DNAH1: variants seen among roughly 807,000 people sequenced by gnomAD.
The protein encoded by DNAH1 is dynein axonemal heavy chain 1.
DNAH1 carries 327 observed loss-of-function variants against 484.3 expected under a neutral mutation model. The observed-to-expected ratio is 0.68, with a 90% CI of 0.62 to 0.74. DNAH1 has a LOEUF of 0.74. Among genes scored for constraint, DNAH1 ranks in the 30% least tolerant of loss-of-function variants. The pLI is 0.00. For missense variants in DNAH1, 5,052 were observed against 5,546.8 expected (o/e 0.91, Z 2.83); for synonymous variants, 2,192 against 2,191.9 (o/e 1.00, Z 0.00).
chr3:52,345,001 G>C (rs1578108328), intron 9 of DNAH1, among the ~76,000 whole-genome samples: 3 of 152,194 alleles, frequency 2.0e-5, no homozygotes. Context: ...CCGAGTCTCA[G>C]AGCAGGACCC....
chr3:52,386,748 G>T lies in DNAH1; in HGVS notation c.8898G>T (p.Val2966=). Residue 2966 remains valine, a synonymous_variant, in exon 56 of 78, where the codon GTG becomes GTT. Transcript: ENST00000420323. ...CIMKGIKPKK[V]PGEKPGTKVD... Reference sequence around the variant, plus strand: ...TGAAAGGCATCAAGCCCAAGAAGGTGCCTGGAGAAAAGCCAGGCACCAAGG... The same window carrying T: ...TGAAAGGCATCAAGCCCAAGAAGGTTCCTGGAGAAAAGCCAGGCACCAAGG... The T allele has an allele frequency of 6.3e-7, 1 of 1,588,894 alleles. No homozygotes were observed. Among genetic ancestry groups the T allele is most frequent in the African/African-American group, 1.3e-5 (1 of 74,484 alleles).
chr3:52,324,227 C>CT (rs1283290612), intron 3 of DNAH1, among the ~76,000 whole-genome samples: 1 of 152,214 alleles, frequency 6.6e-6, no homozygotes, highest in Non-Finnish European at 1.5e-5. Flanking sequence ...CCAGGACTGT[C>CT]TGAGTTGCTT....
Position 52,361,633 on chromosome 3 carries a change from C to T in DNAH1, c.4875-28C>T. Reference sequence around the variant, plus strand: ...CCAGATTGGGCTCTGAACACATGTGCCCCATCCAATGTTCCGGCCTCACTC... The same window carrying T: ...CCAGATTGGGCTCTGAACACATGTGTCCCATCCAATGTTCCGGCCTCACTC... On this transcript the variant is annotated intron_variant, in intron 29 of 77. Transcript: ENST00000420323. This position sits in a 1 kb window ranked among gnomAD's most constrained non-coding sequence, Gnocchi z 5.6. 3.2e-6 allele frequency: 5 copies of T among 1,574,214 alleles called. No individual in the cohort carries two copies. Among genetic ancestry groups the T allele is most frequent in the South Asian group, 1.2e-5 (1 of 85,832 alleles).
At chr3:52,366,638 C>G in intron 35 of DNAH1, 90 bp downstream of exon 35, 1 of 1,553,300 alleles carries the variant, frequency 6.4e-7, no homozygotes, top group Non-Finnish European at 8.7e-7. Flanking sequence ...CATTTGTGCC[C>G]CTTGGCATAG....
intron 4 of DNAH1, 41 bp downstream of exon 4, chr3:52,326,355 G>A (rs1380804114): frequency 5.1e-6 from 8 of 1,572,576 alleles, no homozygotes; most frequent in Non-Finnish European, 6.9e-6. Context: ...CGGGGAGGTG[G>A]CATCCACCCG....
rs747814520 is a variant in DNAH1, at chr3:52,347,856, T to C, written c.1988T>C (p.Leu663Pro). ...AAGAATCCCCTGTTCATCATGGACCTGGTGCTGGACAGCTCTGGGGTGCAC... is the reference window on the plus strand; with the variant it reads ...AAGAATCCCCTGTTCATCATGGACCCGGTGCTGGACAGCTCTGGGGTGCAC... ...PRKNPLFIMD[L>P]VLDSSGVHYS... The change falls in exon 12 of 78, where the codon CTG (leucine) becomes CCG (proline). Residue 663 changes from leucine (L) to proline (P), a missense_variant. Around this residue, in one of 4 missense-constraint regions of DNAH1, gnomAD observed 1,263 missense variants for 1,218.8 expected, o/e 1.04. Coordinates refer to ENST00000420323, the MANE Select transcript of DNAH1 (RefSeq NM_015512.5). 33 of 1,600,682 alleles carry C rather than the reference T, an allele frequency of 2.1e-5. No homozygotes were observed. Among genetic ancestry groups the C allele is most frequent in the Non-Finnish European group, 2.6e-5 (31 of 1,173,132 alleles).
At chr3:52,393,635 G>T in intron 66 of DNAH1, 150 bp downstream of exon 66, 1 of 1,247,378 alleles carries the variant, frequency 8.0e-7, no homozygotes. Flanking sequence ...AAAGCAGCCA[G>T]GGCCGGGCAC....
intron 8 of DNAH1, among the ~76,000 whole-genome samples, chr3:52,342,167 A>T (rs1342311174): frequency 6.6e-6 from 1 of 152,182 alleles, no homozygotes; most frequent in African/African-American, 2.4e-5. Flanking sequence ...TGAGGTAGGG[A>T]CAAGTTTGTG....
At chr3:52,344,448 T>C (rs1702064310) in intron 8 of DNAH1, 42 bp from the exon 9 acceptor site, 1 of 1,599,310 alleles carries the variant, frequency 6.3e-7, no homozygotes, top group African/African-American at 1.3e-5. Flanking sequence ...GTTCACAGGG[T>C]GTGGAGCCCC....
In DNAH1 at chr3:52,352,647, C is replaced by T. The variant is rs1702440768; in HGVS notation, c.2967C>T (p.Cys989=). 4 of 1,613,164 alleles carry T rather than the reference C, an allele frequency of 2.5e-6. No individual in the cohort carries two copies. Among genetic ancestry groups the T allele is most frequent in the Non-Finnish European group, 3.4e-6 (4 of 1,179,750 alleles). Residue 989 remains cysteine (C), a synonymous_variant, in exon 18 of 78, where the codon TGC becomes TGT. Transcript: ENST00000420323. Reference sequence around the variant, plus strand: ...GTGTCAAGAAGCAGCTGAAGGACTGCCAGCAGCTGGCCATGCTCTACAACA... The same window carrying T: ...GTGTCAAGAAGCAGCTGAAGGACTGTCAGCAGCTGGCCATGCTCTACAACA... ...VRRVKKQLKD[C]QQLAMLYNNR... is the part of the protein sequence containing the mutation.
Position 52,321,947 on chromosome 3 carries a change from G to A in DNAH1, c.-34-462G>A, listed in dbSNP as rs76356197. Reference sequence around the variant, plus strand: ...TCATGCACCACACTGGGAAAAGGTAGGGAAGTCTAGCAGGGATGGGCTGGG... The same window carrying A: ...TCATGCACCACACTGGGAAAAGGTAAGGAAGTCTAGCAGGGATGGGCTGGG... On this transcript the variant is annotated intron_variant, in intron 1 of 77. Coordinates refer to ENST00000420323, the MANE Select transcript of DNAH1 (RefSeq NM_015512.5). 1.1e-3 allele frequency among the ~76,000 whole-genome samples: 169 copies of A among 152,292 alleles called. 1 individual carries two copies. The highest frequency in any genetic ancestry group is 1.7e-3 in the Non-Finnish European group (115 of 68,010).
Position 52,381,476 on chromosome 3 carries a change from G to C in DNAH1, c.7609-164G>C, listed in dbSNP as rs1703840121. 6.6e-6 allele frequency among the ~76,000 whole-genome samples: 1 copy of C among 152,078 alleles called. No individual in the cohort carries two copies. Among genetic ancestry groups the C allele is most frequent in the Non-Finnish European group, 1.5e-5 (1 of 68,030 alleles). ...ATCAGTGTCTGGGAATGTTCAGCTT[G>C]GGCTCGAGCCTGCAGGGGAAACATG... On this transcript the variant is annotated intron_variant, in intron 48 of 77. Coordinates refer to ENST00000420323, the MANE Select transcript of DNAH1 (RefSeq NM_015512.5). The surrounding 1 kb of genome is among the most constrained non-coding windows in gnomAD (Gnocchi z 4.1).
intron 3 of DNAH1, among the ~76,000 whole-genome samples, 167 bp downstream of exon 3, chr3:52,324,047 G>A (rs1701248282): frequency 6.6e-6 from 1 of 152,178 alleles, no homozygotes; most frequent in Non-Finnish European, 1.5e-5. Context: ...CATGGTGAGT[G>A]CTCAGTCAGC....
Position 52,398,869 on chromosome 3 carries a change from G to A in DNAH1, c.12109G>A (p.Val4037Met). The change falls in exon 76 of 78, where the codon GTG becomes ATG. Residue 4037 changes from valine (V) to methionine (M), a missense_variant. By Grantham distance (21) the Val-to-Met change is conservative. Around this residue, in one of 4 missense-constraint regions of DNAH1, gnomAD observed 853 missense variants for 899.0 expected, o/e 0.95. Coordinates refer to ENST00000420323, the MANE Select transcript of DNAH1 (RefSeq NM_015512.5). ...EVIRYNRLLQ[V>M]ITQTLQDLLK... ...TCACAGGTACAATCGGCTGCTGCAG[G>A]TGATCACACAGACACTGCAAGACCT... The A allele has an allele frequency of 6.4e-7, 1 of 1,556,132 alleles. No homozygotes were observed. Among genetic ancestry groups the A allele is most frequent in the Non-Finnish European group, 8.7e-7 (1 of 1,148,112 alleles).
At position 52,384,975 on chromosome 3, in the gene DNAH1, A is replaced by C. The variant is rs1245713444; in HGVS notation, c.8512A>C (p.Lys2838Gln). ...AKNRMKSGLDKLLRTSEDVAK... is the reference protein window; with the variant it reads ...AKNRMKSGLDQLLRTSEDVAK... ...GAACCGCATGAAGAGCGGCCTCGAC[A>C]AGGTGGGCCCAGGCGAGTCCCCGTG... The change falls in exon 53 of 78, where the codon AAG (lysine) becomes CAG (glutamine). Residue 2838 changes from lysine (K) to glutamine (Q), a missense_variant and splice_region_variant. Coordinates refer to ENST00000420323, the MANE Select transcript of DNAH1 (RefSeq NM_015512.5). The C allele has an allele frequency of 6.2e-7, 1 of 1,612,032 alleles. No homozygotes were observed. Among genetic ancestry groups the C allele is most frequent in the African/African-American group, 1.3e-5 (1 of 74,920 alleles).
Position 52,326,889 on chromosome 3 carries a change from A to C in DNAH1, c.736A>C (p.Lys246Gln). 1 of 1,612,008 alleles carries C rather than the reference A, an allele frequency of 6.2e-7. No individual in the cohort carries two copies. The highest frequency in any genetic ancestry group is 8.5e-7 in the Non-Finnish European group (1 of 1,178,892). ...DPIFPIYLPL[K>Q]VFDNEDFDCR... is the part of the protein sequence containing the mutation. ...AATCTTCCCCATCTACCTCCCACTG[A>C]AGGTGAGCCGGGCTTCCACAGATGG... The change falls in exon 5 of 78, where the codon AAG (lysine) becomes CAG (glutamine). Residue 246 changes from lysine (K) to glutamine (Q), a missense_variant and splice_region_variant. Transcript: ENST00000420323.
In DNAH1 at chr3:52,352,598, A is replaced by T. The variant is rs1260472680; in HGVS notation, c.2918A>T (p.His973Leu). 1 of 1,612,726 alleles carries T rather than the reference A, an allele frequency of 6.2e-7. No homozygotes were observed. Residue 973 changes from histidine (H) to leucine (L), a missense_variant, in exon 18 of 78, where the codon CAC becomes CTC. Physicochemically the swap from His to Leu is moderately conservative, Grantham distance 99. Around this residue, in one of 4 missense-constraint regions of DNAH1, gnomAD observed 2,929 missense variants for 3,409.4 expected, o/e 0.86. Coordinates refer to ENST00000420323, the MANE Select transcript of DNAH1 (RefSeq NM_015512.5). ...FSIHVEISRAHEIANEVRRVK... is the reference protein window; with the variant it reads ...FSIHVEISRALEIANEVRRVK... The stretch of plus-strand genomic sequence containing the variant: ...ATCCATGTGGAGATTTCACGTGCAC[A>T]CGAGATCGCCAACGAGGTGCGGCGT...
At chr3:52,323,442 T>C (rs369020919) in intron 2 of DNAH1, among the ~76,000 whole-genome samples, 47 of 152,302 alleles carry the variant, frequency 3.1e-4, no homozygotes, top group African/African-American at 1.1e-3. Context: ...CCACCTGATA[T>C]GCATTAAACC....
Position 52,364,672 on chromosome 3 carries a change from CTG to C in DNAH1, c.5282_5283del (p.Val1761AspfsTer16). The C allele has an allele frequency of 6.2e-7, 1 of 1,614,010 alleles. No individual in the cohort carries two copies. ...GACTTCGGGATGAGAGCCGTGAAAACTGTGATCTCGGCTGCTGGGAACCTCAA... is the reference window on the plus strand; with the variant it reads ...GACTTCGGGATGAGAGCCGTGAAAACTGATCTCGGCTGCTGGGAACCTCAA... On this transcript the variant is annotated frameshift_variant, in exon 33 of 78. Coordinates refer to ENST00000420323, the MANE Select transcript of DNAH1 (RefSeq NM_015512.5). LOFTEE classifies it high-confidence loss of function. The surrounding 1 kb of genome is among the most constrained non-coding windows in gnomAD (Gnocchi z 4.2).
Sources: gnomAD v4.1 joint callset for allele counts (sites outside exome capture counted in the v4.1 genomes callset) on GRCh38, gnomAD v4.1.1 for gene constraint, gnomAD v4.1.1 regional missense constraint, Gnocchi (gnomAD v3.1) non-coding constraint, MANE v1.5 for transcripts, NCBI Gene and HGNC (gene_info 2026-07-23, HGNC 2026-07-21) for gene names.